The following ADAMTSL1 variants were observed in gnomAD, a reference collection of about 807,000 sequenced individuals.
ADAMTSL1 encodes the protein ADAMTS like 1.
In ADAMTSL1, 126 loss-of-function variants were observed where a neutral mutation model predicts 201.8. The observed-to-expected ratio is 0.62, with a 90% CI of 0.54 to 0.72. ADAMTSL1 has a LOEUF of 0.72. ADAMTSL1 is among the 30% of genes least tolerant of loss of function. The probability of loss-of-function intolerance (pLI) is 0.00; values close to 1 mark genes in which losing one functional copy is unlikely to be tolerated. For missense variants in ADAMTSL1, 2,679 were observed against 2,277.8 expected, an observed-to-expected ratio of 1.18 and a Z score of -3.59; for synonymous variants, 1,121 against 903.4, an observed-to-expected ratio of 1.24 and a Z score of -4.32.
intron 2 of ADAMTSL1, among the ~76,000 whole-genome samples, chr9:18,447,287 G>T (rs189688817): frequency 6.6e-6 from 1 of 152,198 alleles, no homozygotes; most frequent in East Asian, 1.9e-4. Context: ...CTACTACAGA[G>T]CAAAGAGAGC....
At chr9:18,287,585 G>A (rs757346355) in intron 2 of ADAMTSL1, among the ~76,000 whole-genome samples, 3 of 139,908 alleles carry the variant, frequency 2.1e-5, no homozygotes, top group Admixed American at 6.9e-5. Context: ...AAATATATGT[G>A]TATATATACA....
intron 4 of ADAMTSL1, among the ~76,000 whole-genome samples, chr9:18,596,882 G>A (rs1824296694): frequency 6.6e-6 from 1 of 152,126 alleles, no homozygotes; most frequent in Non-Finnish European, 1.5e-5. Context: ...CAGCTCTAGG[G>A]TCACTTTCTT....
rs1828525372 is a variant in ADAMTSL1, at chr9:18,182,243, C to T, written c.207+18262C>T. Among the ~76,000 whole-genome samples the T allele has an allele frequency of 2.8e-5, 4 of 143,490 alleles. No homozygotes were observed. In the Admixed American group the frequency reaches 2.8e-4, roughly 10 times the overall value. The allele number at this position is 143,490 out of a possible 152,430, so 94.1% of individuals were successfully genotyped here. ...GCATGTCACATGTATACATATGTAA[C>T]AAACATGCACATTGTGCACAAGTAC... On this transcript the variant is annotated intron_variant, in intron 2 of 29. Transcript: ENST00000680146.
intron 23 of ADAMTSL1, among the ~76,000 whole-genome samples, chr9:18,872,462 G>GTGTA (rs1210540167): frequency 6.6e-6 from 1 of 152,166 alleles, no homozygotes; most frequent in African/African-American, 2.4e-5. Flanking sequence ...TGTACCCAAT[G>GTGTA]TGTAGTCTTT....
intron 1 of ADAMTSL1, among the ~76,000 whole-genome samples, chr9:18,483,545 C>T (rs566122861): frequency 6.6e-6 from 1 of 152,142 alleles, no homozygotes; most frequent in Non-Finnish European, 1.5e-5. Context: ...ACTCAAAGAT[C>T]GGCGTGGCGC....
At chr9:18,148,393 A>G (rs903421375) in intron 1 of ADAMTSL1, among the ~76,000 whole-genome samples, 2 of 151,886 alleles carry the variant, frequency 1.3e-5, no homozygotes, top group East Asian at 1.9e-4. Context: ...TTTGGTAACT[A>G]TAAAACAGAA....
chr9:18,430,115 C>A (rs1819418568), intron 2 of ADAMTSL1, among the ~76,000 whole-genome samples: 1 of 151,980 alleles, frequency 6.6e-6, no homozygotes, highest in Non-Finnish European at 1.5e-5. Flanking sequence ...TTAAACAGGA[C>A]TTCTTAAAAT....
Position 18,605,109 on chromosome 9 carries a change from A to G in ADAMTSL1, c.475-17134A>G, listed in dbSNP as rs2132562999. Among the ~76,000 whole-genome samples the G allele has an allele frequency of 2.0e-5, 3 of 152,302 alleles. No individual in the cohort carries two copies. The Middle Eastern group carries it at 0.01, about 518-fold the overall frequency. The stretch of plus-strand genomic sequence containing the variant: ...ACTCCTCTCACTTGTATTCTTCCCT[A>G]CCTTTTTTCCCTCTTCTGCTCCCAA... On this transcript the variant is annotated intron_variant, in intron 4 of 28. Transcript: ENST00000380548.
chr9:18,010,780 C>A (rs1266626067), intron 1 of ADAMTSL1, among the ~76,000 whole-genome samples: 1 of 151,880 alleles, frequency 6.6e-6, no homozygotes, highest in Non-Finnish European at 1.5e-5. Context: ...ATTACCAAAC[C>A]CGACACCACC....
chr9:18,004,439 C>T (rs1218528822), intron 1 of ADAMTSL1, among the ~76,000 whole-genome samples: 1 of 151,950 alleles, frequency 6.6e-6, no homozygotes, highest in Non-Finnish European at 1.5e-5. Context: ...TGACGTGAAC[C>T]CACAAAGCAA....
chr9:18,352,333 T>C (rs1021483161), intron 2 of ADAMTSL1, among the ~76,000 whole-genome samples: 1 of 152,204 alleles, frequency 6.6e-6, no homozygotes, highest in African/African-American at 2.4e-5. Context: ...TACTGTAAGA[T>C]TTGGAAATGA....
chr9:18,183,258 A>G (rs1304678921), intron 2 of ADAMTSL1, among the ~76,000 whole-genome samples: 3 of 152,220 alleles, frequency 2.0e-5, no homozygotes, highest in African/African-American at 4.8e-5. Context: ...CTAAACAGAA[A>G]CACAAAACTA....
intron 1 of ADAMTSL1, among the ~76,000 whole-genome samples, chr9:18,495,283 T>C (rs1822478428): frequency 6.6e-6 from 1 of 152,192 alleles, no homozygotes; most frequent in Non-Finnish European, 1.5e-5. Context: ...TTCACATTCA[T>C]GTGAAAGCAA....
intron 1 of ADAMTSL1, among the ~76,000 whole-genome samples, chr9:17,996,382 G>C (rs189969624): frequency 6.6e-6 from 1 of 152,178 alleles, no homozygotes; most frequent in African/African-American, 2.4e-5. Context: ...GGATAGCAGA[G>C]ACCTTTTCAG....
At chr9:18,819,527 G>A (rs1980866) in intron 21 of ADAMTSL1, among the ~76,000 whole-genome samples, 137,441 of 151,618 alleles carry the variant, frequency 0.91, 62,446 homozygotes, top group African/African-American at 0.96. Context: ...AGATTGAGAG[G>A]ACCAGAATCT....
At chr9:18,242,984 A>T (rs890257769) in intron 2 of ADAMTSL1, among the ~76,000 whole-genome samples, 5 of 152,170 alleles carry the variant, frequency 3.3e-5, no homozygotes, top group African/African-American at 1.2e-4. Flanking sequence ...TACAAAAATA[A>T]GACAGTCCTA....
At chr9:18,060,996 C>T (rs1476745342) in intron 1 of ADAMTSL1, among the ~76,000 whole-genome samples, 1 of 152,098 alleles carries the variant, frequency 6.6e-6, no homozygotes, top group Admixed American at 6.6e-5. Flanking sequence ...CATAATGCTA[C>T]CTGTTACTCA....
rs570882834 is a variant in ADAMTSL1, at chr9:18,305,666, C to T, written c.207+141685C>T. Among the ~76,000 whole-genome samples the T allele has an allele frequency of 4.6e-5, 7 of 152,340 alleles. No individual in the cohort carries two copies. In the South Asian group the frequency reaches 1.5e-3, roughly 32 times the overall value. On this transcript the variant is annotated intron_variant, in intron 2 of 29. Coordinates refer to the ADAMTSL1 transcript ENST00000680146. The stretch of plus-strand genomic sequence containing the variant: ...CAGACTACCTGTCTAGATTCCTCCT[C>T]TCTGGTAAAGGCATCTCTGAAAGAA...
rs146152517 is a variant in ADAMTSL1, at chr9:18,347,058, A to G, written c.208-157771A>G. Among the ~76,000 whole-genome samples the G allele has an allele frequency of 2.3e-3, 357 of 152,212 alleles. 1 individual carries two copies. Among genetic ancestry groups the G allele is most frequent in the African/African-American group, 8.0e-3 (332 of 41,546 alleles). On this transcript the variant is annotated intron_variant, in intron 2 of 29. Transcript: ENST00000680146. ...GCTTTTCAGTCACAGTGGTTTTTTG[A>G]CTCAATTCCTCCAAGCTTTGCAGAG...
Sources: gnomAD v4.1 joint callset for allele counts (sites outside exome capture counted in the v4.1 genomes callset) on GRCh38, gnomAD v4.1.1 for gene constraint, MANE v1.5 for transcripts, NCBI Gene and HGNC (gene_info 2026-07-23, HGNC 2026-07-21) for gene names.